The following PAX3 variants were observed in gnomAD, a reference collection of about 807,000 sequenced individuals.
PAX3 encodes paired box 3.
In PAX3, 14 loss-of-function variants were observed where a neutral mutation model predicts 51.6. The ratio of observed to expected loss-of-function variants is 0.27; its 90% CI spans 0.18 to 0.42. The LOEUF is 0.42. PAX3 is among the 10% of genes least tolerant of loss of function. PAX3 has a pLI of 1.00. For synonymous variants in PAX3, 280 were observed against 253.4 expected (o/e 1.11, Z -1.00); for missense variants, 540 against 642.8 (o/e 0.84, Z 1.73).
chr2:222,238,410 C>T (rs1009545482), intron 4 of PAX3, among the ~76,000 whole-genome samples: 3 of 152,056 alleles, frequency 2.0e-5, no homozygotes, highest in South Asian at 4.2e-4. Context: ...GGTGTTCAGA[C>T]AAATATAATT....
chr2:222,251,823 C>A (rs1693446064), intron 4 of PAX3, among the ~76,000 whole-genome samples: 1 of 152,200 alleles, frequency 6.6e-6, no homozygotes, highest in South Asian at 2.1e-4. Flanking sequence ...GAGATGGTAT[C>A]TCATTGTGGT....
intron 2 of PAX3, among the ~76,000 whole-genome samples, chr2:222,296,189 C>G (rs1299388303): frequency 6.6e-6 from 1 of 152,138 alleles, no homozygotes; most frequent in African/African-American, 2.4e-5. Context: ...TCTCTCTACC[C>G]CCAATATATA....
At chr2:222,235,031 T>A (rs747658967) in intron 4 of PAX3, among the ~76,000 whole-genome samples, 3 of 152,186 alleles carry the variant, frequency 2.0e-5, no homozygotes, top group Non-Finnish European at 2.9e-5. Context: ...CCCATTAGGA[T>A]AATAGTATGT....
chr2:222,262,384 G>C (rs918934654), intron 4 of PAX3, among the ~76,000 whole-genome samples: 1 of 151,884 alleles, frequency 6.6e-6, no homozygotes, highest in Non-Finnish European at 1.5e-5. Flanking sequence ...TTCTGGTGTA[G>C]TTATCATACT....
At chr2:222,262,222 G>A (rs1324774931) in intron 4 of PAX3, among the ~76,000 whole-genome samples, 21 of 152,116 alleles carry the variant, frequency 1.4e-4, no homozygotes. Context: ...AGTGTATATA[G>A]CACAATTTAT....
intron 4 of PAX3, among the ~76,000 whole-genome samples, chr2:222,285,175 A>G (rs1046473938): frequency 6.6e-6 from 1 of 152,234 alleles, no homozygotes; most frequent in South Asian, 2.1e-4. Context: ...GTTAAGCTCA[A>G]CCGTGTTGAT....
At chr2:222,283,937 C>G (rs1694737973) in intron 4 of PAX3, among the ~76,000 whole-genome samples, 1 of 152,348 alleles carries the variant, frequency 6.6e-6, no homozygotes, top group South Asian at 2.1e-4. Flanking sequence ...CTCCTAGGAG[C>G]CTTACTAGCC....
At chr2:222,239,745 A>T (rs1692937320) in intron 4 of PAX3, among the ~76,000 whole-genome samples, 1 of 152,020 alleles carries the variant, frequency 6.6e-6, no homozygotes, top group South Asian at 2.1e-4. Flanking sequence ...AGGGGTAGGT[A>T]AAGGGGTCTC....
chr2:222,239,572 G>T (rs752052441), intron 4 of PAX3, among the ~76,000 whole-genome samples: 2 of 152,118 alleles, frequency 1.3e-5, no homozygotes, highest in Non-Finnish European at 2.9e-5. Flanking sequence ...CGTGTAGCTA[G>T]AACTGTACAT....
At chr2:222,283,370 T>C (rs1353079254) in intron 4 of PAX3, among the ~76,000 whole-genome samples, 1 of 152,168 alleles carries the variant, frequency 6.6e-6, no homozygotes, top group African/African-American at 2.4e-5. Flanking sequence ...TTGGTTGGCA[T>C]AGAGTGTCTG....
At chr2:222,230,841 T>A (rs559341777) in intron 5 of PAX3, among the ~76,000 whole-genome samples, 1 of 119,362 alleles carries the variant, frequency 8.4e-6, no homozygotes, top group African/African-American at 3.3e-5. Context: ...GGTGACAGAG[T>A]GAGACTCCAC....
At chr2:222,220,413 A>C in intron 6 of PAX3, 59 bp from the exon 7 acceptor site, 1 of 1,537,058 alleles carries the variant, frequency 6.5e-7, no homozygotes, top group Non-Finnish European at 9.0e-7. Context: ...GAGAAAGTTC[A>C]GTGCAAAAGT....
intron 4 of PAX3, among the ~76,000 whole-genome samples, chr2:222,277,730 C>T (rs1367629369): frequency 1.3e-5 from 2 of 151,886 alleles, no homozygotes; most frequent in Non-Finnish European, 2.9e-5. Context: ...GGTCAAGAGA[C>T]CGAGACCAGC....
intron 4 of PAX3, among the ~76,000 whole-genome samples, chr2:222,250,778 T>C (rs1166711516): frequency 6.6e-6 from 1 of 152,220 alleles, no homozygotes; most frequent in East Asian, 1.9e-4. Flanking sequence ...CAGGACCTCA[T>C]GCAGTTCTGC....
chr2:222,271,287 C>A (rs554574101), intron 4 of PAX3, among the ~76,000 whole-genome samples: 1 of 152,276 alleles, frequency 6.6e-6, no homozygotes, highest in Admixed American at 6.5e-5. Context: ...GGATTCTTTA[C>A]CAAAATCCGT....
chr2:222,293,529 G>T lies in PAX3; in HGVS notation c.586+638C>A, dbSNP rs190583424. On this transcript the variant is annotated intron_variant, in intron 4 of 8. Transcript: ENST00000392070. ...AGGGTGCCAGCACTCTAAGAACCCA[G>T]ATCCCTTCAATTTGTAACCCAGAGC... 1,229 of 1,183,548 alleles carry T rather than the reference G, an allele frequency of 1.0e-3. 9 individuals carry two copies. In the African/African-American group the frequency reaches 0.016, roughly 16 times the overall value. 73.3% of individuals were successfully genotyped at this position (1,183,548 alleles called of 1,614,324 possible). A position where few individuals can be genotyped will look rare whatever the true frequency, so the allele number is the denominator to read the frequency against.
At chr2:222,204,052 A>G (rs1403624185) in intron 7 of PAX3, among the ~76,000 whole-genome samples, 1 of 152,226 alleles carries the variant, frequency 6.6e-6, no homozygotes, top group African/African-American at 2.4e-5. Context: ...TTTTTGAGAT[A>G]TGTGGTAAAA....
chr2:222,274,972 G>C (rs1365074014), intron 4 of PAX3, among the ~76,000 whole-genome samples: 1 of 152,186 alleles, frequency 6.6e-6, no homozygotes, highest in East Asian at 1.9e-4. Flanking sequence ...AATTTGAACT[G>C]TTTTGATTTG....
At chr2:222,294,094 G>T (rs749612145) in intron 4 of PAX3, 73 bp downstream of exon 4, 36 of 1,605,270 alleles carry the variant, frequency 2.2e-5, no homozygotes, top group Non-Finnish European at 2.8e-5. Flanking sequence ...GCTGCCGTCA[G>T]ATCACCAATG....
Sources: gnomAD v4.1 joint callset for allele counts (sites outside exome capture counted in the v4.1 genomes callset) on GRCh38, gnomAD v4.1.1 for gene constraint, MANE v1.5 for transcripts, NCBI Gene and HGNC (gene_info 2026-07-23, HGNC 2026-07-21) for gene names.